MAP7: variants seen among roughly 807,000 people sequenced by gnomAD.
The protein encoded by MAP7 is microtubule associated protein 7.
MAP7 carries 52 observed loss-of-function variants against 94.8 expected under a neutral mutation model. The ratio of observed to expected loss-of-function variants is 0.55; its 90% CI spans 0.44 to 0.69. The LOEUF is 0.69. MAP7 is among the 30% of genes least tolerant of loss of function. The pLI, the probability that MAP7 is intolerant of heterozygous loss-of-function variation, is 0.00. For synonymous variants in MAP7, 350 were observed against 357.0 expected (o/e 0.98, Z 0.22); for missense variants, 940 against 964.6 (o/e 0.97, Z 0.34).
intron 8 of MAP7, 39 bp downstream of exon 8, chr6:136,372,462 G>A: frequency 6.2e-7 from 1 of 1,611,620 alleles, no homozygotes; most frequent in African/African-American, 1.3e-5. Flanking sequence ...AACAGCACTG[G>A]CTCCCAGACT....
At chr6:136,371,320 C>T (rs948301080) in intron 8 of MAP7, among the ~76,000 whole-genome samples, 5 of 152,162 alleles carry the variant, frequency 3.3e-5, no homozygotes, top group African/African-American at 1.2e-4. Flanking sequence ...ACTTTGGGGC[C>T]AACCTGTTCT....
chr6:136,344,580 T>C (rs1468794786), intron 17 of MAP7, among the ~76,000 whole-genome samples: 1 of 152,178 alleles, frequency 6.6e-6, no homozygotes, highest in Non-Finnish European at 1.5e-5. Context: ...ATGTTGGAGG[T>C]TAAATAAATG....
At chr6:136,401,141 G>C (rs1314457951) in intron 3 of MAP7, among the ~76,000 whole-genome samples, 2 of 152,170 alleles carry the variant, frequency 1.3e-5, no homozygotes, top group Admixed American at 1.3e-4. Flanking sequence ...TTGAGCTCAG[G>C]AGTTTGAGAC....
At chr6:136,438,239 T>A (rs2128832691) in intron 1 of MAP7, among the ~76,000 whole-genome samples, 1 of 152,344 alleles carries the variant, frequency 6.6e-6, no homozygotes, top group African/African-American at 2.4e-5. Context: ...GTAATAGGCA[T>A]TGTGCTAGAA....
At chr6:136,407,671 G>C (rs972089352) in intron 3 of MAP7, among the ~76,000 whole-genome samples, 2 of 152,212 alleles carry the variant, frequency 1.3e-5, no homozygotes, top group African/African-American at 4.8e-5. Flanking sequence ...GCTCCAGTTA[G>C]AGAACTAGGC....
intron 17 of MAP7, 75 bp downstream of exon 17, chr6:136,345,781 G>C (rs201293748): frequency 8.8e-7 from 1 of 1,141,884 alleles, no homozygotes; most frequent in South Asian, 1.2e-5. Flanking sequence ...TCATACTGTA[G>C]AAGGCAGCAG....
rs193257882 is a variant in MAP7 at position 136,403,992 on chromosome 6, C to T, written c.244+7628G>A. Among the ~76,000 whole-genome samples, 108 of 152,262 alleles carry T rather than the reference C, an allele frequency of 7.1e-4. 1 individual carries two copies. The highest frequency in any genetic ancestry group is 2.5e-3 in the African/African-American group (104 of 41,556). On this transcript the variant is annotated intron_variant, in intron 3 of 17. Coordinates refer to ENST00000354570, the MANE Select transcript of MAP7 (RefSeq NM_003980.6). ...ATGCTGAGACTGGTAACAGATATGC[C>T]GAAGTTTATCCATTAGATATTTGGA...
At chr6:136,516,124 G>A (rs1824741659) in intron 1 of MAP7, among the ~76,000 whole-genome samples, 1 of 151,884 alleles carries the variant, frequency 6.6e-6, no homozygotes, top group Non-Finnish European at 1.5e-5. Flanking sequence ...CCTAGAATCT[G>A]AGACTAGCTT....
At chr6:136,442,534 G>C (rs540645938) in intron 1 of MAP7, among the ~76,000 whole-genome samples, 11 of 152,048 alleles carry the variant, frequency 7.2e-5, no homozygotes, top group African/African-American at 2.7e-4. Flanking sequence ...TTAACACAGC[G>C]TGGTCCAGGT....
At chr6:136,502,509 C>T (rs1257727290) in intron 1 of MAP7, among the ~76,000 whole-genome samples, 1 of 152,202 alleles carries the variant, frequency 6.6e-6, no homozygotes, top group East Asian at 1.9e-4. Context: ...AACATAACTG[C>T]AAAGCATAAG....
In MAP7 at chr6:136,550,308, G is replaced by A. The variant is rs777566865; in HGVS notation, c.67+34C>T. 10 of 1,468,648 alleles carry A rather than the reference G, an allele frequency of 6.8e-6. No homozygotes were observed. The South Asian group carries it at 1.3e-4, about 19-fold the overall frequency. 91.0% of individuals were successfully genotyped at this position (1,468,648 alleles called of 1,614,324 possible). A position where few individuals can be genotyped will look rare whatever the true frequency, so the allele number is the denominator to read the frequency against. ...CGGCCCCGCTCGCCGTCCCCTGCCC[G>A]ACGGGACCCCCACTATCCCCGCTGT... is the stretch of plus-strand genomic sequence containing the variant. On this transcript the variant is annotated intron_variant, in intron 1 of 17. Transcript: ENST00000354570. This position sits in a 1 kb window ranked among gnomAD's most constrained non-coding sequence, Gnocchi z 5.1.
rs151304974 is a variant in MAP7 at position 136,499,165 on chromosome 6, C to A, written c.67+51177G>T. On this transcript the variant is annotated intron_variant, in intron 1 of 17. Coordinates refer to ENST00000354570, the MANE Select transcript of MAP7 (RefSeq NM_003980.6). The stretch of plus-strand genomic sequence containing the variant: ...GAACTCCTGACCTCAGGTGATCCGC[C>A]TGCCTTGGCCTCCCAAAGTGCTGGG... Among the ~76,000 whole-genome samples the A allele has an allele frequency of 1.4e-4, 21 of 152,226 alleles. No individual in the cohort carries two copies. In the East Asian group the frequency reaches 4.1e-3, roughly 29 times the overall value.
At chr6:136,406,817 TAAAACA>T (rs1047959730) in intron 3 of MAP7, among the ~76,000 whole-genome samples, 2 of 152,066 alleles carry the variant, frequency 1.3e-5, no homozygotes, top group South Asian at 2.1e-4. Flanking sequence ...CAAGACTGTA[TAAAACA>T]AAAACAAAAA....
chr6:136,366,862 C>A (rs1328321156), intron 8 of MAP7, among the ~76,000 whole-genome samples: 4 of 151,826 alleles, frequency 2.6e-5, no homozygotes, highest in African/African-American at 9.7e-5. Context: ...ATTTTCCCCC[C>A]AAACACACTA....
chr6:136,398,501 C>A (rs1783148074), intron 3 of MAP7, among the ~76,000 whole-genome samples: 1 of 152,168 alleles, frequency 6.6e-6, no homozygotes, highest in Non-Finnish European at 1.5e-5. Flanking sequence ...GAATTGTACT[C>A]CCATAATTCC....
rs555505095 is a variant in MAP7, at chr6:136,383,033, G to T, written c.637+638C>A. On this transcript the variant is annotated intron_variant, in intron 6 of 17. Coordinates refer to ENST00000354570, the MANE Select transcript of MAP7 (RefSeq NM_003980.6). ...ACATTCATGTACTGTAAATCCATGG[G>T]ATGAATAAAACTCAAAATTCAAACA... 2.0e-5 allele frequency among the ~76,000 whole-genome samples: 3 copies of T among 152,142 alleles called. No individual in the cohort carries two copies. The South Asian group carries it at 6.2e-4, about 32-fold the overall frequency.
intron 1 of MAP7, among the ~76,000 whole-genome samples, chr6:136,477,743 G>A (rs143820227): frequency 2.4e-4 from 36 of 152,180 alleles, no homozygotes; most frequent in Non-Finnish European, 4.4e-4. Context: ...TTTCAGCACT[G>A]GACAGATCAT....
chr6:136,396,124 G>T (rs1259018092), intron 3 of MAP7, among the ~76,000 whole-genome samples: 1 of 151,886 alleles, frequency 6.6e-6, no homozygotes, highest in Non-Finnish European at 1.5e-5. Flanking sequence ...GGTAGGAATT[G>T]CATTGAATCT....
chr6:136,483,027 A>C (rs1813404296), intron 1 of MAP7, among the ~76,000 whole-genome samples: 2 of 150,752 alleles, frequency 1.3e-5, no homozygotes, highest in African/African-American at 2.4e-5. Context: ...TGCTTGTCTT[A>C]TTAATTACTG....
Sources: allele counts gnomAD v4.1 joint callset (sites outside exome capture counted in the v4.1 genomes callset), GRCh38; gene constraint gnomAD v4.1.1; non-coding constraint Gnocchi (gnomAD v3.1); transcripts MANE v1.5; gene names NCBI Gene and HGNC (gene_info 2026-07-23, HGNC 2026-07-21).